RANGAP1: variants seen among roughly 807,000 people sequenced by gnomAD.
The protein encoded by RANGAP1 is ran GTPase-activating protein 1.
A neutral mutation model predicts 63.5 loss-of-function variants in RANGAP1; 38 were observed. The ratio of observed to expected loss-of-function variants is 0.60; its 90% confidence interval spans 0.46 to 0.78. RANGAP1 has a LOEUF of 0.78. Ranked by LOEUF, RANGAP1 falls within the 30% of genes least tolerant of loss-of-function variation. The probability of loss-of-function intolerance (pLI) is 0.00; values close to 1 mark genes in which losing one functional copy is unlikely to be tolerated. For synonymous variants in RANGAP1, 329 were observed against 310.5 expected (o/e 1.06, Z -0.63); for missense variants, 630 against 740.3 (o/e 0.85, Z 1.73).
At chr22:41,251,189 C>A in intron 12 of RANGAP1, 80 bp from the exon 13 acceptor site, 1 of 1,128,294 alleles carries the variant, frequency 8.9e-7, no homozygotes. Flanking sequence ...TAGGAGAGGC[C>A]TGGGCAGTAC....
At chr22:41,256,981 C>T (rs2033880608) in intron 7 of RANGAP1, among the ~76,000 whole-genome samples, 157 bp from the exon 8 acceptor site, 1 of 151,940 alleles carries the variant, frequency 6.6e-6, no homozygotes, top group Non-Finnish European at 1.5e-5. Context: ...TTGTTGGCCT[C>T]TGGGCCCCTG....
chr22:41,294,644 G>A, the RANGAP1 span, among the ~76,000 whole-genome samples: 3 of 144,214 alleles, frequency 2.1e-5, no homozygotes, highest in Admixed American at 6.9e-5. Flanking sequence ...TCTGGGAAGT[G>A]AGGAGCATCT....
chr22:41,259,335 G>A (rs1209574317), intron 6 of RANGAP1, among the ~76,000 whole-genome samples: 1 of 152,068 alleles, frequency 6.6e-6, no homozygotes, highest in Non-Finnish European at 1.5e-5. Flanking sequence ...GGCCAACCTG[G>A]GCACACTCCA....
chr22:41,284,091 C>T (rs2035631740), intron 1 of RANGAP1, among the ~76,000 whole-genome samples: 1 of 151,098 alleles, frequency 6.6e-6, no homozygotes, highest in Non-Finnish European at 1.5e-5. Flanking sequence ...ACTAAAAATA[C>T]AAAAAATTAG....
chr22:41,267,993 C>G, intron 4 of RANGAP1, 104 bp downstream of exon 4: 1 of 1,245,718 alleles, frequency 8.0e-7, no homozygotes, highest in Non-Finnish European at 1.1e-6. Flanking sequence ...CAGTCACCCA[C>G]AGGGCTAATC....
chr22:41,294,177 G>T, the RANGAP1 span, among the ~76,000 whole-genome samples: 1 of 152,190 alleles, frequency 6.6e-6, no homozygotes, highest in Non-Finnish European at 1.5e-5. Context: ...TCAGCCTGCC[G>T]AGTGCCTGCG....
chr22:41,301,334 A>G, the RANGAP1 span, among the ~76,000 whole-genome samples: 43,143 of 152,002 alleles, frequency 0.28, 7,131 homozygotes, highest in Admixed American at 0.49. Context: ...ACCCCCCTAA[A>G]AGGCAGGACA....
At chr22:41,248,225 C>G (rs2033184872) in intron 15 of RANGAP1, among the ~76,000 whole-genome samples, 1 of 152,186 alleles carries the variant, frequency 6.6e-6, no homozygotes, top group Non-Finnish European at 1.5e-5. Flanking sequence ...TGTGGCCAGC[C>G]ATGAGATTCA....
chr22:41,289,058 G>T (rs2035806543), upstream of RANGAP1, among the ~76,000 whole-genome samples: 1 of 151,530 alleles, frequency 6.6e-6, no homozygotes, highest in Admixed American at 6.6e-5. Flanking sequence ...GAGTAGCTGG[G>T]ACTACAGGTG....
At chr22:41,247,485 G>A (rs534928610) in intron 15 of RANGAP1, among the ~76,000 whole-genome samples, 81 of 152,174 alleles carry the variant, frequency 5.3e-4, no homozygotes, top group Non-Finnish European at 9.4e-4. Flanking sequence ...CCAAGTAGCT[G>A]GGACCACAGG....
At chr22:41,255,809 C>A (rs2033793282) in intron 10 of RANGAP1, among the ~76,000 whole-genome samples, 1 of 151,906 alleles carries the variant, frequency 6.6e-6, no homozygotes, top group Non-Finnish European at 1.5e-5. Flanking sequence ...AATAAAGGGG[C>A]CAGGTGTGGT....
intron 3 of RANGAP1, among the ~76,000 whole-genome samples, chr22:41,271,528 T>C (rs1211586790): frequency 1.3e-5 from 2 of 151,680 alleles, no homozygotes; most frequent in Non-Finnish European, 2.9e-5. Context: ...AACCCGTCTC[T>C]ACTAAAAATA....
intron 3 of RANGAP1, among the ~76,000 whole-genome samples, chr22:41,269,107 TCTCA>T (rs749414205): frequency 6.6e-6 from 1 of 152,172 alleles, no homozygotes; most frequent in Non-Finnish European, 1.5e-5. Context: ...AGAGATAGGT[TCTCA>T]CTCTGTCGCC....
Position 41,281,674 on chromosome 22 carries a change from A to G in RANGAP1, c.-38-592T>C, listed in dbSNP as rs538539347. 1.8e-5 allele frequency: 18 copies of G among 980,536 alleles called. No individual in the cohort carries two copies. In the African/African-American group the frequency reaches 3.0e-4, roughly 16 times the overall value. The allele number at this position is 980,536 out of a possible 1,614,324, so 60.7% of individuals were successfully genotyped here. On this transcript the variant is annotated intron_variant, in intron 1 of 15. Coordinates refer to ENST00000356244, the MANE Select transcript of RANGAP1 (RefSeq NM_002883.4). ...ACAATGGCCCCTCAGGGGTTTCTAGATCAGAGATCGCCACATCACAACAGC... is the reference window on the plus strand; with the variant it reads ...ACAATGGCCCCTCAGGGGTTTCTAGGTCAGAGATCGCCACATCACAACAGC...
At chr22:41,278,161 GGA>G (rs2035268795) in intron 2 of RANGAP1, among the ~76,000 whole-genome samples, 2 of 151,110 alleles carry the variant, frequency 1.3e-5, no homozygotes. Flanking sequence ...CTCAGCCTCC[GGA>G]GAGTAGCTGG....
chr22:41,267,333 T>G (rs1046356656), intron 4 of RANGAP1, among the ~76,000 whole-genome samples: 2 of 152,036 alleles, frequency 1.3e-5, no homozygotes, highest in Admixed American at 1.3e-4. Context: ...AGCAAGACCC[T>G]GTCTTTAAAA....
chr22:41,272,052 T>C (rs1213115894), intron 3 of RANGAP1, among the ~76,000 whole-genome samples: 1 of 152,154 alleles, frequency 6.6e-6, no homozygotes, highest in East Asian at 1.9e-4. Flanking sequence ...AAGGGCTCTA[T>C]CTCCTATTTC....
chr22:41,258,261 C>A (rs548468395), intron 6 of RANGAP1, among the ~76,000 whole-genome samples, 155 bp from the exon 7 acceptor site: 19 of 152,384 alleles, frequency 1.2e-4, no homozygotes, highest in African/African-American at 4.6e-4. Context: ...CTGCATCTAA[C>A]TCTTTCCACA....
At chr22:41,291,934 C>A in the RANGAP1 span, among the ~76,000 whole-genome samples, 1 of 150,600 alleles carries the variant, frequency 6.6e-6, no homozygotes, top group African/African-American at 2.4e-5. Context: ...TTCCTTTTTT[C>A]TTTTTTTGGT....
Sources: allele counts gnomAD v4.1 joint callset (sites outside exome capture counted in the v4.1 genomes callset), GRCh38; gene constraint gnomAD v4.1.1; transcripts MANE v1.5; gene names NCBI Gene and HGNC (gene_info 2026-07-23, HGNC 2026-07-21).